Variants in PCDHGA5 observed in about 807,000 individuals in gnomAD.
The protein encoded by PCDHGA5 is protocadherin gamma subfamily A, 5, also known as protocadherin gamma-A5.
Under a neutral mutation model 56.7 loss-of-function variants are expected in PCDHGA5, and 36 were observed. The observed-to-expected ratio is 0.64, with a 90% CI of 0.49 to 0.84. The LOEUF (loss-of-function observed/expected upper bound fraction) is 0.84, where lower values mean the gene tolerates loss of function less well. Among genes scored for constraint, PCDHGA5 ranks in the 40% least tolerant of loss-of-function variants. The pLI is 0.00. For synonymous variants in PCDHGA5, 563 were observed against 520.2 expected (o/e 1.08, Z -1.12); for missense variants, 1,305 against 1,201.5 (o/e 1.09, Z -1.27).
At chr5:141,420,687 G>T (rs2096517632) in intron 1 of PCDHGA5, among the ~76,000 whole-genome samples, 1 of 152,182 alleles carries the variant, frequency 6.6e-6, no homozygotes, top group South Asian at 2.1e-4. Flanking sequence ...TATCGGGACC[G>T]TATTATTTCC....
intron 1 of PCDHGA5, among the ~76,000 whole-genome samples, chr5:141,406,715 A>G (rs2094843333): frequency 6.6e-6 from 1 of 152,252 alleles, no homozygotes; most frequent in Non-Finnish European, 1.5e-5. Flanking sequence ...CTTGCTCAAG[A>G]GAAGTTTCTA....
chr5:141,387,782 A>G lies in PCDHGA5; in HGVS notation c.2421+21031A>G, dbSNP rs145228594. 6.9e-3 allele frequency: 10,094 copies of G among 1,466,254 alleles called. 59 individuals are homozygous for G. The highest frequency in any genetic ancestry group is 8.3e-3 in the Non-Finnish European group (9,103 of 1,100,820). 90.8% of individuals were successfully genotyped at this position (1,466,254 alleles called of 1,614,324 possible). On this transcript the variant is annotated intron_variant, in intron 1 of 3. Transcript: ENST00000518069. ...AAGAAGAATTTTTTCTTGAACTGGA[A>G]CTGCAACTAAAGTCCGTTCGGAGAT... is the stretch of plus-strand genomic sequence containing the variant.
At chr5:141,510,056 G>C (rs1450505898) in intron 3 of PCDHGA5, among the ~76,000 whole-genome samples, 2 of 152,174 alleles carry the variant, frequency 1.3e-5, no homozygotes. Flanking sequence ...AAGTGATTGT[G>C]CATGTGAAGC....
At chr5:141,386,590 G>A (rs1589020136) in intron 1 of PCDHGA5, among the ~76,000 whole-genome samples, 1 of 151,604 alleles carries the variant, frequency 6.6e-6, no homozygotes, top group Non-Finnish European at 1.5e-5. Context: ...TAGTGTGGGG[G>A]ATACATTTTT....
rs1414835001 is a variant in PCDHGA5 at position 141,476,225 on chromosome 5, A to T, written c.2422-18582A>T. 1.2e-6 allele frequency: 2 copies of T among 1,613,882 alleles called. No individual in the cohort carries two copies. Among genetic ancestry groups the T allele is most frequent in the Non-Finnish European group, 1.7e-6 (2 of 1,180,012 alleles). ...GGCTTCCACGGTCATTCACTATGAG[A>T]TCCCGGAGGAAAGAGAGAAGGGTTT... On this transcript the variant is annotated intron_variant, in intron 1 of 3. Transcript: ENST00000518069. This position sits in a 1 kb window ranked among gnomAD's most constrained non-coding sequence, Gnocchi z 7.6.
intron 1 of PCDHGA5, chr5:141,428,630 C>T: frequency 5.4e-6 from 1 of 185,692 alleles, no homozygotes; most frequent in Non-Finnish European, 1.1e-5. Context: ...AGCTCTAACT[C>T]TGTTGCTCCT....
Position 141,381,442 on chromosome 5 carries a change from A to AC in PCDHGA5, c.2421+14692dup, listed in dbSNP as rs551572598. 7.9e-5 allele frequency among the ~76,000 whole-genome samples: 12 copies of AC among 152,360 alleles called. No individual in the cohort carries two copies. In the South Asian group the frequency reaches 2.5e-3, roughly 32 times the overall value. The stretch of plus-strand genomic sequence containing the variant: ...GAGTACCTCTAAGGATCCTGTCAGG[A>AC]CAGTCCTGCATTTTGCTCAAATGCT... On this transcript the variant is annotated intron_variant, in intron 1 of 3. Transcript: ENST00000518069.
chr5:141,374,856 G>A, intron 1 of PCDHGA5: 1 of 1,613,686 alleles, frequency 6.2e-7, no homozygotes, highest in South Asian at 1.1e-5. Flanking sequence ...CTGCCAGTAG[G>A]CACACCAGTG....
At chr5:141,395,147 G>A in intron 1 of PCDHGA5, 1 of 1,614,210 alleles carries the variant, frequency 6.2e-7, no homozygotes, top group Non-Finnish European at 8.5e-7. Flanking sequence ...ACGCAGACAT[G>A]CTCATCAGTC....
intron 1 of PCDHGA5, among the ~76,000 whole-genome samples, chr5:141,492,927 G>A (rs925569925): frequency 2.0e-5 from 3 of 152,180 alleles, no homozygotes; most frequent in Admixed American, 6.5e-5. Context: ...AGCGATCTAG[G>A]GTCAGAGATT....
chr5:141,496,284 G>A (rs1052943936), intron 2 of PCDHGA5, among the ~76,000 whole-genome samples: 6 of 152,210 alleles, frequency 3.9e-5, no homozygotes, highest in Admixed American at 1.3e-4. Context: ...CAGTTGGTCT[G>A]AGCAGAGTGG....
At chr5:141,409,185 C>A in intron 1 of PCDHGA5, 1 of 1,614,024 alleles carries the variant, frequency 6.2e-7, no homozygotes, top group Non-Finnish European at 8.5e-7. Flanking sequence ...GGTGGTCTCT[C>A]TACCCAGTGT....
chr5:141,409,850 G>A lies in PCDHGA5; in HGVS notation c.2421+43099G>A. ...GCTCAGCGCCAACGTGAGCCTGCGC[G>A]TGTTGGTGGGAGACCGCAATGACAA... On this transcript the variant is annotated intron_variant, in intron 1 of 3. Transcript: ENST00000518069. 6.2e-7 allele frequency: 1 copy of A among 1,612,142 alleles called. No individual in the cohort carries two copies. Among genetic ancestry groups the A allele is most frequent in the African/African-American group, 1.3e-5 (1 of 75,014 alleles).
At chr5:141,409,262 G>A (rs768196825) in intron 1 of PCDHGA5, 2 of 1,613,834 alleles carry the variant, frequency 1.2e-6, no homozygotes, top group African/African-American at 2.7e-5. Flanking sequence ...TTCTCTCTCT[G>A]ATCAGATTTT....
chr5:141,423,210 C>A (rs954945082), intron 1 of PCDHGA5: 2 of 1,613,578 alleles, frequency 1.2e-6, no homozygotes, highest in East Asian at 4.5e-5. Flanking sequence ...CCGTCACGCT[C>A]ACCGTGGCTG....
At chr5:141,472,176 G>C (rs1416695177) in intron 1 of PCDHGA5, among the ~76,000 whole-genome samples, 3 of 152,144 alleles carry the variant, frequency 2.0e-5, no homozygotes, top group Non-Finnish European at 2.9e-5. Context: ...GTAATATCCA[G>C]TATTGGAATT....
chr5:141,421,235 A>G (rs1375447356), intron 1 of PCDHGA5: 3 of 1,594,470 alleles, frequency 1.9e-6, no homozygotes, highest in East Asian at 2.2e-5. Context: ...GCCATGGCGA[A>G]TCGGCTACAG....
chr5:141,393,497 C>T (rs375522990), intron 1 of PCDHGA5: 705 of 1,613,952 alleles, frequency 4.4e-4, no homozygotes, highest in Non-Finnish European at 5.6e-4. Flanking sequence ...CAGTGCGCAT[C>T]CACGTGACAG....
intron 1 of PCDHGA5, chr5:141,441,844 G>T: frequency 2.8e-6 from 1 of 355,710 alleles, no homozygotes. Context: ...CGCGCTCTTG[G>T]ATATGGTGCT....
Sources: allele counts gnomAD v4.1 joint callset (sites outside exome capture counted in the v4.1 genomes callset), GRCh38; gene constraint gnomAD v4.1.1; non-coding constraint Gnocchi (gnomAD v3.1); transcripts MANE v1.5; gene names NCBI Gene and HGNC (gene_info 2026-07-23, HGNC 2026-07-21).